BANP: variants seen among roughly 807,000 people sequenced by gnomAD.
BANP encodes protein BANP.
Under a neutral mutation model 68.1 loss-of-function variants are expected in BANP, and 11 were observed. The ratio of observed to expected loss-of-function variants is 0.16; its 90% CI spans 0.10 to 0.27. The LOEUF (loss-of-function observed/expected upper bound fraction) is 0.27. Ranked by LOEUF, BANP falls within the 10% of genes least tolerant of loss-of-function variation. The probability of loss-of-function intolerance (pLI) is 1.00; values close to 1 mark genes in which losing one functional copy is unlikely to be tolerated. For synonymous variants in BANP, 329 were observed against 303.2 expected (o/e 1.09, Z -0.88); for missense variants, 504 against 722.7 (o/e 0.70, Z 3.47).
At chr16:88,065,484 C>T in intron 12 of BANP, 152 bp downstream of exon 12, 1 of 571,146 alleles carries the variant, frequency 1.8e-6, no homozygotes, top group Non-Finnish European at 3.1e-6. Flanking sequence ...CTGTGAGATC[C>T]CTTTGCCCAT....
At chr16:88,032,494 G>A (rs528963209) in intron 8 of BANP, among the ~76,000 whole-genome samples, 1 of 152,314 alleles carries the variant, frequency 6.6e-6, no homozygotes, top group South Asian at 2.1e-4. Context: ...GAGCCACCGT[G>A]TCCGGACTAC....
intron 13 of BANP, among the ~76,000 whole-genome samples, chr16:88,072,770 C>T (rs938780707): frequency 3.2e-4 from 48 of 152,362 alleles, no homozygotes; most frequent in Middle Eastern, 3.4e-3. Context: ...ACAAGAGCCC[C>T]GTGATGCCGT....
At chr16:88,030,396 C>T (rs1814359031) in intron 8 of BANP, among the ~76,000 whole-genome samples, 1 of 152,202 alleles carries the variant, frequency 6.6e-6, no homozygotes, top group Non-Finnish European at 1.5e-5. Flanking sequence ...AACTCCTAGA[C>T]TCGAAGAGTG....
At chr16:88,066,225 C>CT (rs1260735932) in intron 12 of BANP, among the ~76,000 whole-genome samples, 1 of 152,250 alleles carries the variant, frequency 6.6e-6, no homozygotes, top group Admixed American at 6.5e-5. Flanking sequence ...TTTTAAGACT[C>CT]TGAGATGAGG....
intron 12 of BANP, among the ~76,000 whole-genome samples, chr16:88,066,317 T>G (rs2152896735): frequency 6.6e-6 from 1 of 152,292 alleles, no homozygotes; most frequent in South Asian, 2.1e-4. Flanking sequence ...CCCCTGAGGC[T>G]GACATTACCA....
chr16:87,995,643 G>T (rs1333854021), intron 4 of BANP, among the ~76,000 whole-genome samples: 1 of 152,216 alleles, frequency 6.6e-6, no homozygotes, highest in Non-Finnish European at 1.5e-5. Flanking sequence ...CACGTGGTGA[G>T]GCTGCACTCT....
At chr16:88,074,254 G>T (rs1293236331) in intron 13 of BANP, among the ~76,000 whole-genome samples, 11 of 152,198 alleles carry the variant, frequency 7.2e-5, no homozygotes, top group Admixed American at 5.2e-4. Context: ...ATCTTGCATG[G>T]GTCAGAGCAG....
chr16:88,071,523 A>G lies in BANP; in HGVS notation c.1378-546A>G, dbSNP rs1023342330. 3 of 456,326 alleles carry G rather than the reference A, an allele frequency of 6.6e-6. No individual in the cohort carries two copies. The highest frequency in any genetic ancestry group is 1.3e-5 in the Non-Finnish European group (3 of 226,882). 28.3% of individuals were successfully genotyped at this position (456,326 alleles called of 1,614,324 possible). On this transcript the variant is annotated intron_variant, in intron 12 of 13. Coordinates refer to ENST00000682872, the MANE Select transcript of BANP (RefSeq NM_001386991.1). This position sits in a 1 kb window ranked among gnomAD's most constrained non-coding sequence, Gnocchi z 6.5. ...CAGGACTCACTTCCGCCCATCTTGG[A>G]ACTGGGCCTCACTTTCCTGCGAGCT... is the stretch of plus-strand genomic sequence containing the variant.
At chr16:88,063,699 G>A (rs1386924905) in intron 11 of BANP, among the ~76,000 whole-genome samples, 1 of 152,170 alleles carries the variant, frequency 6.6e-6, no homozygotes, top group African/African-American at 2.4e-5. Flanking sequence ...CCCTCCTCTG[G>A]CTGTGGAAGG....
intron 11 of BANP, among the ~76,000 whole-genome samples, chr16:88,051,524 C>G (rs1176352990): frequency 1.3e-5 from 2 of 152,224 alleles, no homozygotes; most frequent in East Asian, 3.8e-4. Context: ...TTCCCAGGCA[C>G]TGCTGCAGTG....
chr16:88,076,677 C>T lies in BANP; in HGVS notation c.*16C>T, dbSNP rs373118920. ...GATTCAGTGAGCGGTGCCCATGGCA[C>T]CAGGAGCCCCTCGCCGGCTCCGCCT... is the stretch of plus-strand genomic sequence containing the variant. On this transcript the variant is annotated 3_prime_UTR_variant, in exon 14 of 14. Coordinates refer to ENST00000682872, the MANE Select transcript of BANP (RefSeq NM_001386991.1). 5 of 1,601,808 alleles carry T rather than the reference C, an allele frequency of 3.1e-6. No homozygotes were observed. Among genetic ancestry groups the T allele is most frequent in the Non-Finnish European group, 4.2e-6 (5 of 1,177,614 alleles).
chr16:88,067,285 C>T (rs929785484), intron 12 of BANP, among the ~76,000 whole-genome samples: 25 of 152,114 alleles, frequency 1.6e-4, no homozygotes, highest in African/African-American at 5.6e-4. Context: ...GTGTGGGGCG[C>T]CACAGTTGTT....
In BANP at chr16:88,002,004, G is replaced by A. The variant is rs75871102; in HGVS notation, c.363-2291G>A. On this transcript the variant is annotated intron_variant, in intron 4 of 13. Transcript: ENST00000682872. The surrounding 1 kb of genome is among the most constrained non-coding windows in gnomAD (Gnocchi z 4.6). ...AACTACAATGGTTGAACAGAAGAACGTGAATATGTCACCCACTTAGAACTA... is the reference window on the plus strand; with the variant it reads ...AACTACAATGGTTGAACAGAAGAACATGAATATGTCACCCACTTAGAACTA... 5.7e-3 allele frequency among the ~76,000 whole-genome samples: 869 copies of A among 152,086 alleles called. 10 individuals are homozygous for A. Among genetic ancestry groups the A allele is most frequent in the African/African-American group, 0.02 (821 of 41,478 alleles).
chr16:88,052,685 C>G (rs2083536673), intron 11 of BANP, among the ~76,000 whole-genome samples: 1 of 151,954 alleles, frequency 6.6e-6, no homozygotes, highest in Admixed American at 6.6e-5. Context: ...GCTATCACCA[C>G]CACCTCGACC....
rs867433123 is a variant in BANP at position 88,036,472 on chromosome 16, C to T, written c.1272+1078C>T. Among the ~76,000 whole-genome samples, 7 of 152,190 alleles carry T rather than the reference C, an allele frequency of 4.6e-5. No homozygotes were observed. The East Asian group carries it at 1.2e-3, about 25-fold the overall frequency. On this transcript the variant is annotated intron_variant, in intron 10 of 13. Transcript: ENST00000682872. This position sits in a 1 kb window ranked among gnomAD's most constrained non-coding sequence, Gnocchi z 4.2. ...GCGCAGAGCCTCCTGCCCAAGTGCCCGTGAGCAAGACTGTGGACACATGCA... is the reference window on the plus strand; with the variant it reads ...GCGCAGAGCCTCCTGCCCAAGTGCCTGTGAGCAAGACTGTGGACACATGCA...
At chr16:87,997,885 C>T (rs1227301421) in intron 4 of BANP, among the ~76,000 whole-genome samples, 1 of 152,238 alleles carries the variant, frequency 6.6e-6, no homozygotes, top group Non-Finnish European at 1.5e-5. Context: ...TGGCTGCTGG[C>T]TCCCACCAGT....
chr16:88,055,763 A>T (rs1227016955), intron 11 of BANP, among the ~76,000 whole-genome samples: 2 of 152,200 alleles, frequency 1.3e-5, no homozygotes, highest in Admixed American at 6.5e-5. Context: ...CTTCCTAGAC[A>T]CACACCCTAT....
rs2079470532 is a variant in BANP, at chr16:88,036,775, T to C, written c.1273-1198T>C. ...AGGAAGCAGCAGGGCGGGGAGCAGG[T>C]AGGGGACGGTCCCAGGAGGCCAGAG... On this transcript the variant is annotated intron_variant, in intron 10 of 13. Coordinates refer to ENST00000682872, the MANE Select transcript of BANP (RefSeq NM_001386991.1). The surrounding 1 kb of genome is among the most constrained non-coding windows in gnomAD (Gnocchi z 4.2). Among the ~76,000 whole-genome samples, 1 of 152,058 alleles carries C rather than the reference T, an allele frequency of 6.6e-6. No individual in the cohort carries two copies. Among genetic ancestry groups the C allele is most frequent in the Admixed American group, 6.6e-5 (1 of 15,266 alleles).
At chr16:88,030,754 G>A (rs2078003857) in intron 8 of BANP, among the ~76,000 whole-genome samples, 1 of 152,218 alleles carries the variant, frequency 6.6e-6, no homozygotes. Flanking sequence ...AGCCCTTGTG[G>A]TTGCAAGGTG....
Sources: allele counts gnomAD v4.1 joint callset (sites outside exome capture counted in the v4.1 genomes callset), GRCh38; gene constraint gnomAD v4.1.1; non-coding constraint Gnocchi (gnomAD v3.1); transcripts MANE v1.5; gene names NCBI Gene and HGNC (gene_info 2026-07-23, HGNC 2026-07-21).